The following RTL4 variants were observed in gnomAD, a reference collection of about 807,000 sequenced individuals.
RTL4 encodes retrotransposon Gag-like protein 4.
In RTL4, 4 loss-of-function variants were observed where a neutral mutation model predicts 5.3. The observed-to-expected ratio is 0.75, with a 90% CI of 0.37 to 1.72. RTL4 has a LOEUF of 1.72. RTL4 is among the 40% of genes most tolerant of loss of function. The pLI, the probability that RTL4 is intolerant of heterozygous loss-of-function variation, is 0.04. For synonymous variants in RTL4, 98 were observed against 87.3 expected (o/e 1.12, Z -0.68); for missense variants, 260 against 227.1 (o/e 1.14, Z -0.93).
the RTL4 span, among the ~76,000 whole-genome samples, chrX:112,257,413 C>G: frequency 9.0e-6 from 1 of 111,125 alleles, no homozygotes; most frequent in Non-Finnish European, 1.9e-5. Flanking sequence ...TATAGTAGTT[C>G]ATTTTACTTA....
chrX:112,339,147 GT>G, the RTL4 span, among the ~76,000 whole-genome samples: 1 of 111,659 alleles, frequency 9.0e-6, no homozygotes, highest in Admixed American at 9.5e-5. Flanking sequence ...AACAGTGAGT[GT>G]TCTACATACT....
At chrX:112,122,041 C>T in the RTL4 span, among the ~76,000 whole-genome samples, 1 of 111,021 alleles carries the variant, frequency 9.0e-6, no homozygotes, top group Admixed American at 9.6e-5. Context: ...CAAATGCATC[C>T]GTTTGAGACA....
chrX:112,403,618 T>G, the RTL4 span, among the ~76,000 whole-genome samples: 1 of 112,138 alleles, frequency 8.9e-6, no homozygotes, highest in Non-Finnish European at 1.9e-5. Flanking sequence ...CTCTGCTGCC[T>G]CCAGTGCTCC....
At chrX:112,286,808 T>G in the RTL4 span, among the ~76,000 whole-genome samples, 1 of 111,721 alleles carries the variant, frequency 9.0e-6, no homozygotes, top group Non-Finnish European at 1.9e-5. Flanking sequence ...GAATGTGAAC[T>G]GAAATAAAAT....
At chrX:112,153,284 C>T in the RTL4 span, among the ~76,000 whole-genome samples, 1 of 111,579 alleles carries the variant, frequency 9.0e-6, no homozygotes. Context: ...AAAAAATAGT[C>T]ATTCATAGTA....
At chrX:112,097,259 T>C in the RTL4 span, among the ~76,000 whole-genome samples, 1 of 111,727 alleles carries the variant, frequency 9.0e-6, no homozygotes, top group African/African-American at 3.3e-5. Flanking sequence ...TAGCAGTGTA[T>C]TCAACCAAAA....
the RTL4 span, among the ~76,000 whole-genome samples, chrX:112,245,465 C>T: frequency 4.5e-5 from 5 of 111,123 alleles, no homozygotes; most frequent in African/African-American, 1.3e-4. Context: ...TCACTGATAC[C>T]CTTTCTTCCA....
chrX:112,344,868 G>A, the RTL4 span, among the ~76,000 whole-genome samples: 2 of 111,665 alleles, frequency 1.8e-5, no homozygotes, highest in South Asian at 3.8e-4. Flanking sequence ...GAGGCCTCAC[G>A]ATCATAGTGG....
chrX:112,174,914 C>T, the RTL4 span, among the ~76,000 whole-genome samples: 1 of 43,965 alleles, frequency 2.3e-5, no homozygotes, highest in Non-Finnish European at 4.9e-5. Context: ...CCTTTGCCCA[C>T]TTTTTGATGG....
chrX:112,106,425 T>C, the RTL4 span, among the ~76,000 whole-genome samples: 2 of 112,067 alleles, frequency 1.8e-5, no homozygotes, highest in African/African-American at 6.5e-5. Context: ...ATTAATTCTT[T>C]AAATGTTTGG....
chrX:112,226,786 C>T, the RTL4 span, among the ~76,000 whole-genome samples: 2 of 107,776 alleles, frequency 1.9e-5, no homozygotes, highest in Non-Finnish European at 3.8e-5. Context: ...AAAGGTACAG[C>T]CTAGCCAGGT....
At chrX:112,132,912 C>T in the RTL4 span, among the ~76,000 whole-genome samples, 1 of 112,383 alleles carries the variant, frequency 8.9e-6, no homozygotes, top group African/African-American at 3.2e-5. Flanking sequence ...AAATCTTTTG[C>T]CTTGAGTATT....
chrX:112,400,706 G>A, the RTL4 span, among the ~76,000 whole-genome samples: 1 of 111,927 alleles, frequency 8.9e-6, no homozygotes, highest in African/African-American at 3.2e-5. Context: ...TAATCTTTCT[G>A]GGCTTGCTTT....
chrX:112,132,075 A>G, the RTL4 span, among the ~76,000 whole-genome samples: 6 of 111,916 alleles, frequency 5.4e-5, no homozygotes, highest in African/African-American at 2.0e-4. Context: ...TCTAGAGCCC[A>G]TAATTTTCCC....
the RTL4 span, among the ~76,000 whole-genome samples, chrX:112,225,346 C>G: frequency 1.8e-5 from 2 of 111,707 alleles, no homozygotes; most frequent in Non-Finnish European, 3.8e-5. Flanking sequence ...GTGAAATGGC[C>G]CTGCCTAAAT....
chrX:112,268,644 G>A, the RTL4 span, among the ~76,000 whole-genome samples: 4 of 111,571 alleles, frequency 3.6e-5, no homozygotes, highest in African/African-American at 1.3e-4. Flanking sequence ...ACTGGATAAA[G>A]AGGTGTTTTT....
At chrX:112,323,352 C>T in the RTL4 span, among the ~76,000 whole-genome samples, 9 of 111,619 alleles carry the variant, frequency 8.1e-5, no homozygotes, top group South Asian at 7.5e-4. Flanking sequence ...AATTTTCTTT[C>T]GCTTTGAAAG....
the RTL4 span, among the ~76,000 whole-genome samples, chrX:112,352,882 G>T: frequency 9.0e-6 from 1 of 111,661 alleles, no homozygotes; most frequent in Non-Finnish European, 1.9e-5. Context: ...ACTACCATCA[G>T]AGTGATCAGG....
At chrX:112,454,801 C>T (rs1173085824) in exon 1 of RTL4, 1 of 1,209,770 alleles carries the variant, frequency 8.3e-7, no homozygotes. Context: ...GAATCTGATT[C>T]TGCGGCTTCA....
Sources: allele counts gnomAD v4.1 joint callset (sites outside exome capture counted in the v4.1 genomes callset), GRCh38; gene constraint gnomAD v4.1.1; transcripts MANE v1.5; gene names NCBI Gene and HGNC (gene_info 2026-07-23, HGNC 2026-07-21).